The following LDLRAD3 variants were observed in gnomAD, a reference collection of about 807,000 sequenced individuals.
LDLRAD3 encodes the protein low-density lipoprotein receptor class A domain-containing protein 3.
Under a neutral mutation model 29.4 loss-of-function variants are expected in LDLRAD3, and 20 were observed. That is an observed-to-expected ratio of 0.68 (90% CI 0.48 to 0.99). The LOEUF (loss-of-function observed/expected upper bound fraction) is 0.99. Among genes scored for constraint, LDLRAD3 ranks in the 50% least tolerant of loss-of-function variants. The probability of loss-of-function intolerance (pLI) is 0.00; values close to 1 mark genes in which losing one functional copy is unlikely to be tolerated. For missense variants in LDLRAD3, 420 were observed against 454.3 expected (o/e 0.92, Z 0.69); for synonymous variants, 157 against 192.7 (o/e 0.81, Z 1.53).
rs144807786 is a variant in LDLRAD3, at chr11:36,205,107, G to A, written c.455-21978G>A. On this transcript the variant is annotated intron_variant, in intron 4 of 5. Coordinates refer to ENST00000315571, the MANE Select transcript of LDLRAD3 (RefSeq NM_174902.4). ...TTCCAAGCTCAGCTGGGACTCCAGC[G>A]CCATGTTCTGTTCATTTTGGTTTTG... Among the ~76,000 whole-genome samples the A allele has an allele frequency of 1.5e-4, 23 of 152,200 alleles. 1 individual carries two copies. Among genetic ancestry groups the A allele is most frequent in the Admixed American group, 9.8e-4 (15 of 15,282 alleles).
At chr11:36,013,961 C>CT (rs891966753) in intron 1 of LDLRAD3, among the ~76,000 whole-genome samples, 3 of 151,988 alleles carry the variant, frequency 2.0e-5, no homozygotes, top group African/African-American at 7.3e-5. Flanking sequence ...GGCACACCCC[C>CT]TTTTTTTTCC....
At chr11:36,105,238 T>TGTGTGTGTGTGTGAGAGA (rs1343780985) in intron 4 of LDLRAD3, among the ~76,000 whole-genome samples, 41 of 128,420 alleles carry the variant, frequency 3.2e-4, no homozygotes, top group East Asian at 2.5e-3. Context: ...TGTGTGTGTG[T>TGTGTGTGTGTGTGAGAGA]GAGAGAGAGA....
At chr11:36,026,574 T>G (rs1852169943) in intron 1 of LDLRAD3, among the ~76,000 whole-genome samples, 1 of 152,154 alleles carries the variant, frequency 6.6e-6, no homozygotes, top group African/African-American at 2.4e-5. Flanking sequence ...AGGAGGTCAG[T>G]AGAACATACA....
In LDLRAD3 at chr11:35,998,409, C is replaced by T. The variant is rs141327788; in HGVS notation, c.47-37694C>T. Among the ~76,000 whole-genome samples, 293 of 152,320 alleles carry T rather than the reference C, an allele frequency of 1.9e-3. 10 individuals carry two copies. The East Asian group carries it at 0.042, about 22-fold the overall frequency. ...ACACATTTAATTCTAGATTGATTCT[C>T]TGAGGCCTTCCCTGCCAGGCTCCTT... is the stretch of plus-strand genomic sequence containing the variant. On this transcript the variant is annotated intron_variant, in intron 1 of 5. Transcript: ENST00000315571.
chr11:36,228,811 G>C (rs2133395470), intron 5 of LDLRAD3, among the ~76,000 whole-genome samples: 1 of 152,250 alleles, frequency 6.6e-6, no homozygotes, highest in African/African-American at 2.4e-5. Context: ...CAAGATACCA[G>C]CCCAGCCTCT....
At chr11:36,050,245 A>G (rs1852508760) in intron 2 of LDLRAD3, among the ~76,000 whole-genome samples, 1 of 152,194 alleles carries the variant, frequency 6.6e-6, no homozygotes, top group Non-Finnish European at 1.5e-5. Flanking sequence ...AGTGAACTGT[A>G]GCAGGATCCT....
At chr11:36,121,338 G>A (rs1466182321) in intron 4 of LDLRAD3, among the ~76,000 whole-genome samples, 1 of 152,124 alleles carries the variant, frequency 6.6e-6, no homozygotes, top group Non-Finnish European at 1.5e-5. Context: ...TAGGAAAAGG[G>A]GAGGAGGGAG....
intron 4 of LDLRAD3, among the ~76,000 whole-genome samples, chr11:36,206,516 G>A (rs868018476): frequency 9.2e-5 from 14 of 152,158 alleles, no homozygotes; most frequent in African/African-American, 3.4e-4. Flanking sequence ...GTTATTTCTA[G>A]TTAGGGAACT....
Position 36,075,560 on chromosome 11 carries a change from A to G in LDLRAD3, c.194-6093A>G, listed in dbSNP as rs192835180. Among the ~76,000 whole-genome samples the G allele has an allele frequency of 1.1e-4, 16 of 152,338 alleles. No homozygotes were observed. The East Asian group carries it at 2.7e-3, about 26-fold the overall frequency. ...AACATATTGCGGAAGATACTTTGAC[A>G]CTGTGCATATCCTATTTCTCCTCAA... On this transcript the variant is annotated intron_variant, in intron 2 of 5. Transcript: ENST00000315571.
intron 1 of LDLRAD3, among the ~76,000 whole-genome samples, chr11:36,006,725 C>T (rs892817705): frequency 1.3e-5 from 2 of 152,238 alleles, no homozygotes; most frequent in African/African-American, 4.8e-5. Flanking sequence ...TGAACAATCC[C>T]ATGACAATGC....
At chr11:36,015,420 A>G (rs1852009936) in intron 1 of LDLRAD3, among the ~76,000 whole-genome samples, 1 of 150,510 alleles carries the variant, frequency 6.6e-6, no homozygotes, top group Admixed American at 6.7e-5. Flanking sequence ...TGTAGAAGGA[A>G]GAAAGGAGAG....
intron 3 of LDLRAD3, among the ~76,000 whole-genome samples, chr11:36,088,007 C>T (rs1486776413): frequency 1.3e-5 from 2 of 151,866 alleles, no homozygotes; most frequent in South Asian, 4.1e-4. Flanking sequence ...GCATGAGCCA[C>T]TGCACCCAGC....
At chr11:36,068,242 T>A (rs1008403093) in intron 2 of LDLRAD3, among the ~76,000 whole-genome samples, 4 of 152,236 alleles carry the variant, frequency 2.6e-5, no homozygotes, top group Non-Finnish European at 4.4e-5. Context: ...GATTTCCACC[T>A]CATTTTTCTC....
At chr11:36,031,536 A>G (rs1852235855) in intron 1 of LDLRAD3, among the ~76,000 whole-genome samples, 1 of 152,198 alleles carries the variant, frequency 6.6e-6, no homozygotes, top group Non-Finnish European at 1.5e-5. Context: ...TAGAGTGGTT[A>G]TAAGTATTTA....
chr11:36,012,059 A>G (rs760018036), intron 1 of LDLRAD3, among the ~76,000 whole-genome samples: 5 of 152,188 alleles, frequency 3.3e-5, no homozygotes, highest in African/African-American at 7.2e-5. Flanking sequence ...TTGTTCTTCT[A>G]TATTCTAAAG....
At chr11:35,990,882 A>T (rs180685755) in intron 1 of LDLRAD3, among the ~76,000 whole-genome samples, 102 of 152,342 alleles carry the variant, frequency 6.7e-4, no homozygotes, top group African/African-American at 2.3e-3. Context: ...ATTCAGAGGT[A>T]TTGGAGGTTA....
intron 1 of LDLRAD3, among the ~76,000 whole-genome samples, chr11:36,032,667 T>C (rs1448000763): frequency 6.6e-6 from 1 of 152,078 alleles, no homozygotes; most frequent in South Asian, 2.1e-4. Context: ...CTCCCCATCA[T>C]GACAACCCAA....
intron 4 of LDLRAD3, chr11:36,197,514 A>G (rs1855052097): frequency 6.6e-6 from 1 of 152,254 alleles, no homozygotes; most frequent in African/African-American, 2.4e-5. Context: ...TGTTGACCAT[A>G]CTGACCTCAT....
intron 1 of LDLRAD3, among the ~76,000 whole-genome samples, chr11:35,945,720 G>A (rs1427110471): frequency 2.0e-5 from 3 of 152,216 alleles, no homozygotes; most frequent in Non-Finnish European, 2.9e-5. Context: ...GCTCTTGTGT[G>A]TGTCCTGGGA....
Sources: allele counts gnomAD v4.1 joint callset (sites outside exome capture counted in the v4.1 genomes callset), GRCh38; gene constraint gnomAD v4.1.1; transcripts MANE v1.5; gene names NCBI Gene and HGNC (gene_info 2026-07-23, HGNC 2026-07-21).